The following SWAP70 variants were observed in gnomAD, a reference collection of about 807,000 sequenced individuals.
The protein encoded by SWAP70 is switch-associated protein 70.
SWAP70 carries 34 observed loss-of-function variants against 80.2 expected under a neutral mutation model. That is an observed-to-expected ratio of 0.42 (90% CI 0.32 to 0.56). The LOEUF (loss-of-function observed/expected upper bound fraction) is 0.56, where lower values mean the gene tolerates loss of function less well. Among genes scored for constraint, SWAP70 ranks in the 20% least tolerant of loss-of-function variants. SWAP70 has a pLI of 0.09. For missense variants in SWAP70, 578 were observed against 690.7 expected, an observed-to-expected ratio of 0.84 and a Z score of 1.83; for synonymous variants, 239 against 238.5, an observed-to-expected ratio of 1.00 and a Z score of -0.02.
chr11:9,691,046 T>A (rs530405165), intron 1 of SWAP70, among the ~76,000 whole-genome samples: 35 of 152,212 alleles, frequency 2.3e-4, no homozygotes, highest in Admixed American at 1.7e-3. Context: ...GCCTCCCAGG[T>A]AGCTGGGACT....
At chr11:9,679,066 G>A (rs1850536216) in intron 1 of SWAP70, among the ~76,000 whole-genome samples, 8 of 152,188 alleles carry the variant, frequency 5.3e-5, no homozygotes, top group Admixed American at 5.2e-4. Flanking sequence ...GCAGTTGAGG[G>A]AGAGATATTT....
chr11:9,711,486 A>G (rs569572227), intron 2 of SWAP70, among the ~76,000 whole-genome samples: 1 of 152,116 alleles, frequency 6.6e-6, no homozygotes, highest in African/African-American at 2.4e-5. Context: ...GGGGAACAGG[A>G]CCTGTCTCAC....
chr11:9,749,764 A>G (rs889653726), intron 11 of SWAP70, 100 bp from the exon 12 acceptor site: 14 of 718,226 alleles, frequency 1.9e-5, no homozygotes, highest in African/African-American at 3.5e-5. Flanking sequence ...TCCTCAAAGA[A>G]GAAATAAAGT....
At chr11:9,730,779 A>T (rs1213766321) in intron 6 of SWAP70, among the ~76,000 whole-genome samples, 1 of 152,208 alleles carries the variant, frequency 6.6e-6, no homozygotes, top group African/African-American at 2.4e-5. Context: ...TTTAAAAAAA[A>T]TTTCAACTTT....
At position 9,752,734 on chromosome 11, in the gene SWAP70, T is replaced by C. The variant is rs546978608; in HGVS notation, c.*2764T>C. ...GGGATATGATCATTTACAGGAATTA[T>C]ATATGAAAAAAGTTTTTGAAATGTA... is the stretch of plus-strand genomic sequence containing the variant. On this transcript the variant is annotated 3_prime_UTR_variant, in exon 12 of 12. Coordinates refer to ENST00000318950, the MANE Select transcript of SWAP70 (RefSeq NM_015055.4). 1.3e-5 allele frequency: 2 copies of C among 152,354 alleles called. No individual in the cohort carries two copies. The highest frequency in any genetic ancestry group is 4.8e-5 in the African/African-American group (2 of 41,590). 9.4% of individuals were successfully genotyped at this position (152,354 alleles called of 1,614,324 possible).
At chr11:9,728,021 C>T (rs1851248297) in intron 4 of SWAP70, 32 bp from the exon 5 acceptor site, 1 of 1,554,598 alleles carries the variant, frequency 6.4e-7, no homozygotes, top group African/African-American at 1.4e-5. Flanking sequence ...AATAAAAAGA[C>T]AATAATTTAT....
At chr11:9,691,430 T>G (rs1306779730) in intron 1 of SWAP70, among the ~76,000 whole-genome samples, 2 of 152,218 alleles carry the variant, frequency 1.3e-5, no homozygotes, top group African/African-American at 4.8e-5. Context: ...CTGTGCTGCC[T>G]TCCTCACAGT....
chr11:9,686,180 G>A (rs1462068000), intron 1 of SWAP70, among the ~76,000 whole-genome samples: 1 of 151,616 alleles, frequency 6.6e-6, no homozygotes, highest in East Asian at 1.9e-4. Flanking sequence ...CCAAAGGCAG[G>A]TTGTAATTAA....
chr11:9,684,913 G>A (rs538099793), intron 1 of SWAP70, among the ~76,000 whole-genome samples: 20 of 152,292 alleles, frequency 1.3e-4, no homozygotes, highest in East Asian at 7.7e-4. Flanking sequence ...GCTAAAATAC[G>A]TATTGCACAG....
At chr11:9,707,728 G>T (rs1200209595) in intron 2 of SWAP70, among the ~76,000 whole-genome samples, 1 of 151,490 alleles carries the variant, frequency 6.6e-6, no homozygotes, top group Non-Finnish European at 1.5e-5. Context: ...GCTAATTTTT[G>T]TATTTTTTGT....
intron 1 of SWAP70, among the ~76,000 whole-genome samples, chr11:9,670,529 C>T (rs923682436): frequency 6.6e-6 from 1 of 151,064 alleles, no homozygotes; most frequent in Non-Finnish European, 1.5e-5. Flanking sequence ...TTGGGGTTGT[C>T]AGTAAGGAAT....
At chr11:9,686,249 C>T (rs1850630339) in intron 1 of SWAP70, among the ~76,000 whole-genome samples, 1 of 151,866 alleles carries the variant, frequency 6.6e-6, no homozygotes, top group East Asian at 1.9e-4. Context: ...ATCATGTACA[C>T]ACATGCATAT....
At chr11:9,703,999 C>T (rs978719663) in intron 2 of SWAP70, among the ~76,000 whole-genome samples, 2 of 152,100 alleles carry the variant, frequency 1.3e-5, no homozygotes, top group Admixed American at 6.6e-5. Flanking sequence ...TTTTATGAAA[C>T]TATAAAACCA....
intron 1 of SWAP70, among the ~76,000 whole-genome samples, chr11:9,668,698 A>G (rs1850338130): frequency 6.6e-6 from 1 of 152,188 alleles, no homozygotes; most frequent in Non-Finnish European, 1.5e-5. Context: ...ATGTCAAATA[A>G]TTGATTTGTT....
At chr11:9,670,010 C>T (rs1267337092) in intron 1 of SWAP70, among the ~76,000 whole-genome samples, 1 of 152,130 alleles carries the variant, frequency 6.6e-6, no homozygotes, top group African/African-American at 2.4e-5. Context: ...CACCTGTAGT[C>T]CCAGCTACTT....
chr11:9,707,136 A>G (rs1434594837), intron 2 of SWAP70, among the ~76,000 whole-genome samples: 1 of 152,198 alleles, frequency 6.6e-6, no homozygotes, highest in African/African-American at 2.4e-5. Flanking sequence ...TTTTCTATGA[A>G]AACTATAGAT....
intron 1 of SWAP70, among the ~76,000 whole-genome samples, chr11:9,672,739 A>G (rs1850435314): frequency 6.6e-6 from 1 of 152,056 alleles, no homozygotes; most frequent in Non-Finnish European, 1.5e-5. Context: ...AGTCATTGCT[A>G]TAATTAGTAA....
At chr11:9,734,332 C>A (rs771599387) in intron 7 of SWAP70, among the ~76,000 whole-genome samples, 2 of 152,174 alleles carry the variant, frequency 1.3e-5, no homozygotes, top group African/African-American at 2.4e-5. Context: ...TAGCATTGTA[C>A]ATTTGAGATT....
At chr11:9,669,908 A>G (rs1158917785) in intron 1 of SWAP70, among the ~76,000 whole-genome samples, 1 of 152,132 alleles carries the variant, frequency 6.6e-6, no homozygotes, top group East Asian at 1.9e-4. Context: ...TGAGTGGATC[A>G]TCTGAGGTCA....
Sources: gnomAD v4.1 joint callset for allele counts (sites outside exome capture counted in the v4.1 genomes callset) on GRCh38, gnomAD v4.1.1 for gene constraint, MANE v1.5 for transcripts, NCBI Gene and HGNC (gene_info 2026-07-23, HGNC 2026-07-21) for gene names.